MLIP: variants seen among roughly 807,000 people sequenced by gnomAD.
MLIP encodes muscular LMNA interacting protein.
In MLIP, 79 loss-of-function variants were observed where a neutral mutation model predicts 84.8. The observed-to-expected ratio is 0.93, with a 90% CI of 0.78 to 1.12. The LOEUF is 1.12. MLIP is among the 50% of genes most tolerant of loss of function. The pLI is 0.00. For missense variants in MLIP, 1,257 were observed against 1,160.6 expected (o/e 1.08, Z -1.21); for synonymous variants, 504 against 463.0 (o/e 1.09, Z -1.14).
chr6:54,022,910 G>A (rs1019872643), intron 1 of MLIP, among the ~76,000 whole-genome samples: 2 of 152,124 alleles, frequency 1.3e-5, no homozygotes, highest in African/African-American at 4.8e-5. Context: ...GCTCATGCCT[G>A]TAATCCCAGC....
intron 10 of MLIP, among the ~76,000 whole-genome samples, chr6:54,193,464 G>C (rs1448331527): frequency 6.6e-6 from 1 of 152,184 alleles, no homozygotes; most frequent in African/African-American, 2.4e-5. Context: ...TGCTTATGTA[G>C]TTAAATAGAT....
intron 9 of MLIP, among the ~76,000 whole-genome samples, chr6:54,187,017 G>GA (rs1031607337): frequency 6.6e-6 from 1 of 151,938 alleles, no homozygotes; most frequent in African/African-American, 2.4e-5. Flanking sequence ...GCATGAAAAA[G>GA]AAAAAAGATA....
chr6:54,165,274 T>C (rs1280860), intron 8 of MLIP, among the ~76,000 whole-genome samples: 147,347 of 151,910 alleles, frequency 0.97, 71,624 homozygotes, highest in East Asian at 1. Context: ...TGACCCTGAC[T>C]CTATTTCTGC....
At chr6:54,098,885 G>A (rs1286142856) in intron 1 of MLIP, among the ~76,000 whole-genome samples, 1 of 152,082 alleles carries the variant, frequency 6.6e-6, no homozygotes, top group African/African-American at 2.4e-5. Flanking sequence ...TGAGAAAATC[G>A]AGGCAGTGAG....
intron 10 of MLIP, among the ~76,000 whole-genome samples, chr6:54,201,850 C>A (rs1301651577): frequency 6.6e-6 from 1 of 152,094 alleles, no homozygotes; most frequent in Non-Finnish European, 1.5e-5. Flanking sequence ...AAGGGTAGAA[C>A]ATGTTTGCAT....
chr6:54,243,415 T>C (rs979204917), intron 12 of MLIP, among the ~76,000 whole-genome samples: 1 of 152,118 alleles, frequency 6.6e-6, no homozygotes, highest in Non-Finnish European at 1.5e-5. Context: ...GATTACTAGA[T>C]AGCTTCCACC....
At chr6:54,265,904 A>T in intron 13 of MLIP, 46 bp from the exon 14 acceptor site, 1 of 1,575,220 alleles carries the variant, frequency 6.3e-7, no homozygotes, top group Non-Finnish European at 8.7e-7. Flanking sequence ...GTATATTTTT[A>T]AATTTATTCA....
intron 10 of MLIP, among the ~76,000 whole-genome samples, chr6:54,195,134 G>C (rs1255682522): frequency 1.1e-4 from 16 of 151,968 alleles, no homozygotes. Context: ...AAAAGCACTG[G>C]AGAATGAAGA....
chr6:54,099,790 A>C (rs988305185), intron 1 of MLIP, among the ~76,000 whole-genome samples: 1 of 152,188 alleles, frequency 6.6e-6, no homozygotes, highest in Non-Finnish European at 1.5e-5. Flanking sequence ...GGCAGATTTG[A>C]AGGGGATAGG....
chr6:54,147,454 A>G (rs1775808), intron 4 of MLIP, among the ~76,000 whole-genome samples: 1 of 152,156 alleles, frequency 6.6e-6, no homozygotes, highest in African/African-American at 2.4e-5. Flanking sequence ...TAATGTAGCA[A>G]CTTAGGGCTT....
intron 1 of MLIP, among the ~76,000 whole-genome samples, chr6:54,102,085 C>T (rs1243062727): frequency 6.6e-6 from 1 of 152,070 alleles, no homozygotes; most frequent in East Asian, 1.9e-4. Flanking sequence ...TAAAGTAAGG[C>T]TGGCAGAAGC....
At chr6:54,178,266 T>G (rs1475177919) in intron 9 of MLIP, among the ~76,000 whole-genome samples, 1 of 150,458 alleles carries the variant, frequency 6.6e-6, no homozygotes, top group African/African-American at 2.4e-5. Context: ...GTTGTAATGT[T>G]TTCATTTTCA....
At chr6:54,194,581 G>A (rs1778166827) in intron 10 of MLIP, among the ~76,000 whole-genome samples, 1 of 151,986 alleles carries the variant, frequency 6.6e-6, no homozygotes, top group Non-Finnish European at 1.5e-5. Flanking sequence ...CATCAAGTAG[G>A]TACTTTTGTG....
intron 5 of MLIP, among the ~76,000 whole-genome samples, chr6:54,158,381 A>T (rs1774264461): frequency 6.6e-6 from 1 of 152,118 alleles, no homozygotes; most frequent in African/African-American, 2.4e-5. Context: ...ATATATATTC[A>T]AGCGACGATA....
chr6:54,138,364 C>A, intron 4 of MLIP, 78 bp downstream of exon 4: 1 of 1,432,094 alleles, frequency 7.0e-7, no homozygotes, highest in Non-Finnish European at 9.2e-7. Flanking sequence ...AGGCAGAAAT[C>A]AATAATTATA....
chr6:54,027,205 A>G (rs1763856424), intron 1 of MLIP, among the ~76,000 whole-genome samples: 1 of 152,198 alleles, frequency 6.6e-6, no homozygotes, highest in Non-Finnish European at 1.5e-5. Context: ...ACTGAGAAAT[A>G]ACAAAGATTC....
intron 12 of MLIP, among the ~76,000 whole-genome samples, chr6:54,249,996 T>C (rs1782357515): frequency 6.6e-6 from 1 of 151,994 alleles, no homozygotes; most frequent in Admixed American, 6.6e-5. Context: ...CTTTTATGTG[T>C]CCATGTGCTC....
intron 9 of MLIP, among the ~76,000 whole-genome samples, chr6:54,171,737 A>G (rs1202505487): frequency 1.3e-5 from 2 of 151,518 alleles, no homozygotes; most frequent in Non-Finnish European, 3.0e-5. Flanking sequence ...TTCTTCTAAA[A>G]ATTCTAATAT....
intron 1 of MLIP, among the ~76,000 whole-genome samples, chr6:54,118,636 A>G (rs1770161652): frequency 1.3e-5 from 2 of 152,256 alleles, no homozygotes; most frequent in African/African-American, 2.4e-5. Flanking sequence ...CTTCAAAAGT[A>G]TAAGCAAAAA....
Sources: allele counts gnomAD v4.1 joint callset (sites outside exome capture counted in the v4.1 genomes callset), GRCh38; gene constraint gnomAD v4.1.1; transcripts MANE v1.5; gene names NCBI Gene and HGNC (gene_info 2026-07-23, HGNC 2026-07-21).